Variants in HS6ST2 observed in about 807,000 individuals in gnomAD.
HS6ST2 encodes heparan sulfate 6-O-sulfotransferase 2.
A neutral mutation model predicts 33.0 loss-of-function variants in HS6ST2; 17 were observed. That is an observed-to-expected ratio of 0.52 (90% CI 0.35 to 0.77). The LOEUF is 0.77. Among genes scored for constraint, HS6ST2 ranks in the 30% least tolerant of loss-of-function variants. The pLI, the probability that HS6ST2 is intolerant of heterozygous loss-of-function variation, is 0.01. For missense variants in HS6ST2, 519 were observed against 551.7 expected (o/e 0.94, Z 0.59); for synonymous variants, 248 against 237.1 (o/e 1.05, Z -0.42).
intron 2 of HS6ST2, among the ~76,000 whole-genome samples, chrX:132,807,320 C>A (rs1383467724): frequency 9.0e-6 from 1 of 110,607 alleles, no homozygotes; most frequent in South Asian, 3.7e-4. Context: ...GAGATGGCCA[C>A]AATTCACTTA....
At position 132,736,100 on chromosome X, in the gene HS6ST2, C is replaced by A. The variant is rs768448329; in HGVS notation, c.948-27606G>T. On this transcript the variant is annotated intron_variant, in intron 2 of 4. Coordinates refer to ENST00000370833, the MANE Select transcript of HS6ST2 (RefSeq NM_001394073.1). ...CCTCAAGTGATCCACCCGCCTCGGCCTCCCAAAGTGCTGGGATTACAGGTG... is the reference window on the plus strand; with the variant it reads ...CCTCAAGTGATCCACCCGCCTCGGCATCCCAAAGTGCTGGGATTACAGGTG... Among the ~76,000 whole-genome samples, 12 of 111,364 alleles carry A rather than the reference C, an allele frequency of 1.1e-4. No individual in the cohort carries two copies. The Admixed American group carries it at 1.1e-3, about 11-fold the overall frequency.
At chrX:132,637,743 A>T (rs1415003867) in intron 4 of HS6ST2, among the ~76,000 whole-genome samples, 1 of 80,002 alleles carries the variant, frequency 1.2e-5, no homozygotes, top group Non-Finnish European at 2.3e-5. Flanking sequence ...ATATATATAT[A>T]AAAAATATAT....
In HS6ST2 at chrX:132,831,063, T is replaced by A. The variant is rs190934468; in HGVS notation, c.948-122569A>T. ...AAAGAAGATGTATGTCAAGAAACTATCTCAGGACTTTTGTTTTTCCAGAAC... is the reference window on the plus strand; with the variant it reads ...AAAGAAGATGTATGTCAAGAAACTAACTCAGGACTTTTGTTTTTCCAGAAC... On this transcript the variant is annotated intron_variant, in intron 2 of 4. Transcript: ENST00000370833. Among the ~76,000 whole-genome samples, 7 of 111,949 alleles carry A rather than the reference T, an allele frequency of 6.3e-5. No homozygotes were observed. In the East Asian group the frequency reaches 1.7e-3, roughly 27 times the overall value.
At chrX:132,894,955 A>T (rs1444922324) in intron 2 of HS6ST2, among the ~76,000 whole-genome samples, 2 of 112,572 alleles carry the variant, frequency 1.8e-5, no homozygotes, top group Non-Finnish European at 3.7e-5. Flanking sequence ...TCACATGAGA[A>T]GCAGAATATG....
chrX:132,893,911 C>T (rs1485605467), intron 2 of HS6ST2, among the ~76,000 whole-genome samples: 2 of 111,055 alleles, frequency 1.8e-5, no homozygotes, highest in Non-Finnish European at 1.9e-5. Context: ...CCAGTTTTTT[C>T]CCCACTGCAT....
intron 2 of HS6ST2, among the ~76,000 whole-genome samples, chrX:132,828,527 T>A (rs1299035791): frequency 1.9e-5 from 2 of 107,315 alleles, no homozygotes; most frequent in African/African-American, 6.8e-5. Context: ...GTCAAATCAT[T>A]TCAGATGAGA....
upstream of HS6ST2, chrX:132,959,011 AT>A (rs1474878545): frequency 7.1e-6 from 1 of 140,362 alleles, no homozygotes; most frequent in Non-Finnish European, 1.4e-5. Context: ...GGCTTGACTC[AT>A]AAAAGGTTTG....
intron 2 of HS6ST2, among the ~76,000 whole-genome samples, chrX:132,915,034 G>A (rs1208537704): frequency 8.9e-6 from 1 of 112,198 alleles, no homozygotes; most frequent in Non-Finnish European, 1.9e-5. Context: ...ATGAGTCCTT[G>A]AGGCTCTCCT....
At chrX:132,805,172 G>A (rs1427894173) in intron 2 of HS6ST2, among the ~76,000 whole-genome samples, 1 of 111,299 alleles carries the variant, frequency 9.0e-6, no homozygotes. Context: ...TTGCAGATCC[G>A]GTGACCTTGG....
intron 2 of HS6ST2, among the ~76,000 whole-genome samples, chrX:132,792,940 T>C (rs1269702185): frequency 9.1e-6 from 1 of 110,015 alleles, no homozygotes; most frequent in East Asian, 2.8e-4. Flanking sequence ...GATGTGTTTT[T>C]AAGATATAGT....
chrX:132,840,780 T>C (rs1179428798), intron 2 of HS6ST2, among the ~76,000 whole-genome samples: 1 of 112,160 alleles, frequency 8.9e-6, no homozygotes, highest in African/African-American at 3.2e-5. Flanking sequence ...TTAGCACTTA[T>C]TCTTAAATCA....
At chrX:132,843,290 T>A (rs2065723125) in intron 2 of HS6ST2, among the ~76,000 whole-genome samples, 1 of 112,516 alleles carries the variant, frequency 8.9e-6, no homozygotes, top group African/African-American at 3.2e-5. Context: ...ACCACTTATG[T>A]ATTTTCATGT....
intron 2 of HS6ST2, among the ~76,000 whole-genome samples, chrX:132,757,039 G>A (rs2064762679): frequency 9.0e-6 from 1 of 111,483 alleles, no homozygotes; most frequent in South Asian, 3.8e-4. Context: ...AGCCCTGGGG[G>A]TAAAAGGTGC....
At chrX:132,652,057 T>C (rs1401786507) in intron 4 of HS6ST2, among the ~76,000 whole-genome samples, 1 of 111,769 alleles carries the variant, frequency 8.9e-6, no homozygotes, top group Non-Finnish European at 1.9e-5. Context: ...GCTTCAAACC[T>C]ACACTGAAGA....
chrX:132,915,966 C>G (rs1328087545), intron 2 of HS6ST2, among the ~76,000 whole-genome samples: 1 of 109,933 alleles, frequency 9.1e-6, no homozygotes, highest in Non-Finnish European at 1.9e-5. Context: ...AACTCCTGAC[C>G]TCGTGATCCA....
chrX:132,919,106 G>T (rs1201499208), intron 2 of HS6ST2, among the ~76,000 whole-genome samples: 1 of 111,782 alleles, frequency 8.9e-6, no homozygotes, highest in African/African-American at 3.3e-5. Flanking sequence ...TAGGGGGAGG[G>T]ACTCCTCTGA....
intron 2 of HS6ST2, among the ~76,000 whole-genome samples, chrX:132,882,265 T>G (rs2066185071): frequency 1.8e-5 from 2 of 111,921 alleles, no homozygotes; most frequent in Admixed American, 9.5e-5. Context: ...GAGCATAGAA[T>G]GCTCTTCCAT....
At chrX:132,919,446 A>G (rs1413333948) in intron 2 of HS6ST2, among the ~76,000 whole-genome samples, 2 of 111,961 alleles carry the variant, frequency 1.8e-5, no homozygotes, top group Non-Finnish European at 3.8e-5. Context: ...GACTCTCTGG[A>G]GTTTTTCCTG....
intron 2 of HS6ST2, among the ~76,000 whole-genome samples, chrX:132,811,386 C>G (rs944921167): frequency 2.8e-5 from 3 of 108,861 alleles, no homozygotes; most frequent in African/African-American, 1.0e-4. Context: ...GTATATAGTT[C>G]AGTGGCATTA....
Sources: allele counts gnomAD v4.1 joint callset (sites outside exome capture counted in the v4.1 genomes callset), GRCh38; gene constraint gnomAD v4.1.1; transcripts MANE v1.5; gene names NCBI Gene and HGNC (gene_info 2026-07-23, HGNC 2026-07-21).